USH2A: variants seen among roughly 807,000 people sequenced by gnomAD.
USH2A encodes usherin.
Under a neutral mutation model 538.9 loss-of-function variants are expected in USH2A, and 443 were observed. The observed-to-expected ratio is 0.82, with a 90% confidence interval of 0.76 to 0.89. USH2A has a LOEUF of 0.89. USH2A is among the 40% of genes least tolerant of loss of function. The probability of loss-of-function intolerance (pLI) is 0.00; values close to 1 mark genes in which losing one functional copy is unlikely to be tolerated. For missense variants in USH2A, 6,633 were observed against 6,324.8 expected (o/e 1.05, Z -1.65); for synonymous variants, 2,413 against 2,273.5 (o/e 1.06, Z -1.75).
rs1005379548 is a variant in USH2A at position 216,232,040 on chromosome 1, T to C, written c.2906A>G (p.Gln969Arg). 2 of 1,614,066 alleles carry C rather than the reference T, an allele frequency of 1.2e-6. No homozygotes were observed. Among genetic ancestry groups the C allele is most frequent in the Non-Finnish European group, 1.7e-6 (2 of 1,179,950 alleles). ...VNHICNSLTG[Q>R]CVCQDASIAG... The stretch of plus-strand genomic sequence containing the variant: ...AATGGAAGCATCTTGGCAAACACAC[T>C]GACCAGTCAGGCTATTACAGATGTG... The change falls in exon 14 of 72, where the codon CAG becomes CGG. Residue 969 changes from glutamine to arginine, a missense_variant. Transcript: ENST00000307340.
rs1657795935 is a variant in USH2A at position 215,670,980 on chromosome 1, C to T, written c.14125G>A (p.Glu4709Lys). 1.2e-6 allele frequency: 2 copies of T among 1,614,112 alleles called. No homozygotes were observed. Among genetic ancestry groups the T allele is most frequent in the South Asian group, 1.1e-5 (1 of 91,078 alleles). ...DSELLPFTEY[E>K]YQVWAVNSAG... ...TAATACACATTTCTTACCTGATACT[C>T]ATACTCTGTGAAAGGCAATAGTTCG... The change falls in exon 64 of 72, where the codon GAG becomes AAG. Residue 4709 changes from glutamate to lysine, a missense_variant. Glu to Lys is a moderately conservative substitution (Grantham distance 56). Coordinates refer to ENST00000307340, the MANE Select transcript of USH2A (RefSeq NM_206933.4).
In USH2A at chr1:215,782,770, A is replaced by T. The variant is rs1210157816; in HGVS notation, c.10553T>A (p.Val3518Asp). 1 of 1,613,930 alleles carries T rather than the reference A, an allele frequency of 6.2e-7. No homozygotes were observed. ...TKIDNLEDTIVLNWRKPIQSN... is the reference protein window; with the variant it reads ...TKIDNLEDTIDLNWRKPIQSN... The stretch of plus-strand genomic sequence containing the variant: ...TTGTATAGGTTTTCTCCAGTTTAAG[A>T]CAATTGTATCTTCAAGATTGTCTAT... The change falls in exon 53 of 72, where the codon GTC becomes GAC. Residue 3518 changes from valine to aspartate, a missense_variant. Transcript: ENST00000307340.
At chr1:215,649,275 A>G (rs537747960) in intron 65 of USH2A, among the ~76,000 whole-genome samples, 1 of 152,168 alleles carries the variant, frequency 6.6e-6, no homozygotes, top group African/African-American at 2.4e-5. Context: ...TTGAAAGTCT[A>G]TCTCTTCCTC....
chr1:215,946,936 A>G (rs932399091), intron 37 of USH2A, among the ~76,000 whole-genome samples: 1 of 152,192 alleles, frequency 6.6e-6, no homozygotes, highest in Admixed American at 6.5e-5. Context: ...AAATACAGAC[A>G]TAGATTTGGT....
chr1:215,983,996 C>A (rs1013084699), intron 35 of USH2A, among the ~76,000 whole-genome samples: 1 of 152,088 alleles, frequency 6.6e-6, no homozygotes, highest in African/African-American at 2.4e-5. Flanking sequence ...CAGAGCCATG[C>A]AGAAAGAGAG....
chr1:216,152,454 G>A lies in USH2A; in HGVS notation c.4627+22798C>T, dbSNP rs1023012833. On this transcript the variant is annotated intron_variant, in intron 21 of 71. Coordinates refer to ENST00000307340, the MANE Select transcript of USH2A (RefSeq NM_206933.4). ...AAATCACCCCCACTGAGCACCTTGC[G>A]ACCCCCACTCCTGCCCACTGAGCAC... 1.1e-4 allele frequency among the ~76,000 whole-genome samples: 16 copies of A among 142,964 alleles called. No homozygotes were observed. The South Asian group carries it at 1.8e-3, about 16-fold the overall frequency. 93.8% of individuals were successfully genotyped at this position (142,964 alleles called of 152,430 possible).
chr1:215,923,586 GACCTGGTGATGCAGTCAACTTCA>G (rs1407325731), intron 38 of USH2A, among the ~76,000 whole-genome samples: 1 of 152,094 alleles, frequency 6.6e-6, no homozygotes, highest in Non-Finnish European at 1.5e-5. Context: ...TCATTGGTCA[GACCTGGTGATGCAGTCAACTTCA>G]CACACAGCGC....
intron 62 of USH2A, among the ~76,000 whole-genome samples, chr1:215,677,357 T>C (rs754766716): frequency 1.2e-4 from 18 of 152,186 alleles, no homozygotes; most frequent in Admixed American, 1.3e-4. Flanking sequence ...CGTGTTTAAA[T>C]GTACTCTAGT....
At position 216,261,387 on chromosome 1, in the gene USH2A, G is replaced by A. The variant is rs185485820; in HGVS notation, c.1972-10289C>T. Among the ~76,000 whole-genome samples, 205 of 147,862 alleles carry A rather than the reference G, an allele frequency of 1.4e-3. 1 individual carries two copies. The highest frequency in any genetic ancestry group is 2.3e-3 in the Non-Finnish European group (158 of 67,492). The stretch of plus-strand genomic sequence containing the variant: ...CCCAGCTACTCAGGAGGCTTAGGTA[G>A]AAGTATTGTTAGAGCCCAGGAGTTT... On this transcript the variant is annotated intron_variant, in intron 11 of 71. Transcript: ENST00000307340.
At chr1:216,274,364 C>T (rs1282693384) in intron 11 of USH2A, among the ~76,000 whole-genome samples, 2 of 151,990 alleles carry the variant, frequency 1.3e-5, no homozygotes, top group African/African-American at 2.4e-5. Flanking sequence ...GCAACACTGC[C>T]GGTGCTTACA....
rs1664819324 is a variant in USH2A, at chr1:215,878,017, C to T, written c.8559-137G>A. ...GAATAACATCTTAAGTTTACAGTTA[C>T]GTGGTTTTGTTTCAGATGAACGTTT... is the stretch of plus-strand genomic sequence containing the variant. On this transcript the variant is annotated intron_variant, in intron 42 of 71. Coordinates refer to ENST00000307340, the MANE Select transcript of USH2A (RefSeq NM_206933.4). 2.8e-5 allele frequency: 36 copies of T among 1,271,990 alleles called. No individual in the cohort carries two copies. The South Asian group carries it at 3.2e-4, about 11-fold the overall frequency. 78.8% of individuals were successfully genotyped at this position (1,271,990 alleles called of 1,614,324 possible).
chr1:215,694,056 C>T lies in USH2A; in HGVS notation c.12067-13680G>A, dbSNP rs563468415. ...ATAAAATGTTCTCATATAAATAAGG[C>T]CTATTAGAAAGACATTTAGGGTTAA... On this transcript the variant is annotated intron_variant, in intron 61 of 71. Coordinates refer to ENST00000307340, the MANE Select transcript of USH2A (RefSeq NM_206933.4). Among the ~76,000 whole-genome samples the T allele has an allele frequency of 7.2e-5, 11 of 152,144 alleles. No individual in the cohort carries two copies. The South Asian group carries it at 2.1e-3, about 29-fold the overall frequency.
At chr1:215,650,555 A>G (rs1353252596) in intron 65 of USH2A, 37 bp downstream of exon 65, 1 of 1,612,228 alleles carries the variant, frequency 6.2e-7, no homozygotes, top group Admixed American at 1.7e-5. Flanking sequence ...GATTTTTAAA[A>G]GTCAACCAGT....
intron 11 of USH2A, among the ~76,000 whole-genome samples, chr1:216,264,777 C>T (rs980186668): frequency 3.9e-5 from 6 of 152,090 alleles, no homozygotes; most frequent in Non-Finnish European, 5.9e-5. Context: ...TTACTGCCAA[C>T]GGGTTTTCAA....
intron 32 of USH2A, among the ~76,000 whole-genome samples, chr1:216,012,495 C>T (rs915618036): frequency 6.6e-6 from 1 of 152,110 alleles, no homozygotes; most frequent in Non-Finnish European, 1.5e-5. Context: ...AAGGCCACCG[C>T]AGTCATTTCT....
intron 35 of USH2A, among the ~76,000 whole-genome samples, chr1:215,984,622 C>A (rs1667828965): frequency 6.6e-6 from 1 of 152,132 alleles, no homozygotes; most frequent in South Asian, 2.1e-4. Flanking sequence ...AATAGGTTGT[C>A]ATATATAACC....
intron 22 of USH2A, among the ~76,000 whole-genome samples, chr1:216,096,553 A>C (rs2032445395): frequency 6.6e-6 from 1 of 152,242 alleles, no homozygotes. Flanking sequence ...AATACATAGA[A>C]TCCTAAATCT....
At chr1:216,211,936 C>T (rs1050346416) in intron 15 of USH2A, among the ~76,000 whole-genome samples, 3 of 151,922 alleles carry the variant, frequency 2.0e-5, no homozygotes, top group Non-Finnish European at 2.9e-5. Flanking sequence ...CTCAAAGAAC[C>T]TTGCAATTCA....
At chr1:215,872,440 T>G (rs1664647734) in intron 43 of USH2A, among the ~76,000 whole-genome samples, 1 of 152,064 alleles carries the variant, frequency 6.6e-6, no homozygotes, top group Non-Finnish European at 1.5e-5. Context: ...ATGTTTCTGT[T>G]GCTATCTATA....
Sources: allele counts gnomAD v4.1 joint callset (sites outside exome capture counted in the v4.1 genomes callset), GRCh38; gene constraint gnomAD v4.1.1; transcripts MANE v1.5; gene names NCBI Gene and HGNC (gene_info 2026-07-23, HGNC 2026-07-21).